The following HS6ST3 variants were observed in gnomAD, a reference collection of about 807,000 sequenced individuals.
The protein encoded by HS6ST3 is heparan sulfate 6-O-sulfotransferase 3.
A neutral mutation model predicts 36.7 loss-of-function variants in HS6ST3; 12 were observed. The ratio of observed to expected loss-of-function variants is 0.33; its 90% CI spans 0.21 to 0.53. The LOEUF (loss-of-function observed/expected upper bound fraction) is 0.53, where lower values mean the gene tolerates loss of function less well. Ranked by LOEUF, HS6ST3 falls within the 20% of genes least tolerant of loss-of-function variation. The pLI is 0.95. For missense variants in HS6ST3, 584 were observed against 640.9 expected (o/e 0.91, Z 0.96); for synonymous variants, 240 against 257.5 (o/e 0.93, Z 0.65).
chr13:96,181,079 GCTGA>G (rs570185922), intron 1 of HS6ST3, among the ~76,000 whole-genome samples: 219 of 152,250 alleles, frequency 1.4e-3, no homozygotes, highest in Non-Finnish European at 2.1e-3. Flanking sequence ...AACAGTAGTG[GCTGA>G]CTAATTTAAG....
intron 1 of HS6ST3, among the ~76,000 whole-genome samples, chr13:96,502,201 T>G (rs1238175074): frequency 1.3e-5 from 2 of 152,204 alleles, no homozygotes; most frequent in African/African-American, 2.4e-5. Context: ...GGGTGATATC[T>G]GAAATGCCAG....
At chr13:96,605,952 C>T (rs1594816889) in intron 1 of HS6ST3, among the ~76,000 whole-genome samples, 1 of 151,618 alleles carries the variant, frequency 6.6e-6, no homozygotes, top group South Asian at 2.1e-4. Context: ...GATATACAAG[C>T]AGCCAACACA....
At position 96,782,924 on chromosome 13, in the gene HS6ST3, G is replaced by A. The variant is rs548601942; in HGVS notation, c.708-49566G>A. ...TGGGAGGGAAAGAAAATGAGCAGCC[G>A]TTATCTGTGGCAAGAAAGATAAACT... On this transcript the variant is annotated intron_variant, in intron 1 of 1. Coordinates refer to ENST00000376705, the MANE Select transcript of HS6ST3 (RefSeq NM_153456.4). Among the ~76,000 whole-genome samples the A allele has an allele frequency of 7.3e-4, 111 of 152,164 alleles. 2 individuals are homozygous for A. The highest frequency in any genetic ancestry group is 2.4e-3 in the African/African-American group (99 of 41,522).
At chr13:96,225,935 T>G (rs1200390561) in intron 1 of HS6ST3, among the ~76,000 whole-genome samples, 1 of 152,088 alleles carries the variant, frequency 6.6e-6, no homozygotes, top group Admixed American at 6.6e-5. Context: ...GATAGTAGTA[T>G]TAGGAAATTT....
intron 1 of HS6ST3, among the ~76,000 whole-genome samples, chr13:96,781,859 AT>A (rs550502609): frequency 1.6e-4 from 25 of 152,194 alleles, no homozygotes; most frequent in Non-Finnish European, 3.7e-4. Context: ...GGAATGACAA[AT>A]ACGTTATTGT....
At chr13:96,243,312 A>G (rs2054569974) in intron 1 of HS6ST3, among the ~76,000 whole-genome samples, 1 of 152,176 alleles carries the variant, frequency 6.6e-6, no homozygotes, top group Admixed American at 6.5e-5. Context: ...TTTCTTGAGC[A>G]TTCTTTGTTT....
intron 1 of HS6ST3, among the ~76,000 whole-genome samples, chr13:96,244,533 C>T (rs1169550859): frequency 6.6e-6 from 1 of 152,086 alleles, no homozygotes; most frequent in Admixed American, 6.6e-5. Context: ...TAGAAGATGT[C>T]ATCATGATGA....
At chr13:96,427,710 A>G (rs1170470705) in intron 1 of HS6ST3, among the ~76,000 whole-genome samples, 1 of 152,188 alleles carries the variant, frequency 6.6e-6, no homozygotes, top group African/African-American at 2.4e-5. Flanking sequence ...CATTGGTACA[A>G]TGCTATTATT....
intron 1 of HS6ST3, among the ~76,000 whole-genome samples, chr13:96,162,472 G>T (rs1407878295): frequency 6.6e-6 from 1 of 152,174 alleles, no homozygotes; most frequent in Non-Finnish European, 1.5e-5. Flanking sequence ...GGACCTTTGG[G>T]TTTGGAGGTG....
chr13:96,165,307 C>T (rs2054155227), intron 1 of HS6ST3, among the ~76,000 whole-genome samples: 1 of 152,144 alleles, frequency 6.6e-6, no homozygotes, highest in South Asian at 2.1e-4. Context: ...ACATATGCAA[C>T]TTTAGAAGCC....
At chr13:96,764,817 T>C (rs1176735547) in intron 1 of HS6ST3, among the ~76,000 whole-genome samples, 1 of 152,206 alleles carries the variant, frequency 6.6e-6, no homozygotes, top group African/African-American at 2.4e-5. Context: ...TTTATGGGTC[T>C]TTGTTCTATT....
chr13:96,805,240 GAGAT>G (rs1412259414), intron 1 of HS6ST3, among the ~76,000 whole-genome samples: 1 of 152,138 alleles, frequency 6.6e-6, no homozygotes, highest in African/African-American at 2.4e-5. Context: ...TTGAGTCATG[GAGAT>G]GGACTTCCCC....
intron 1 of HS6ST3, among the ~76,000 whole-genome samples, chr13:96,322,650 A>G (rs937072610): frequency 6.6e-6 from 1 of 152,208 alleles, no homozygotes; most frequent in Non-Finnish European, 1.5e-5. Flanking sequence ...ACTCTTGCTT[A>G]ACTCAACATC....
chr13:96,512,885 G>A (rs9513157), intron 1 of HS6ST3, among the ~76,000 whole-genome samples: 1 of 147,992 alleles, frequency 6.8e-6, no homozygotes, highest in African/African-American at 2.5e-5. Context: ...TCATTTTTTT[G>A]TTGTTGTTGT....
intron 1 of HS6ST3, among the ~76,000 whole-genome samples, chr13:96,243,451 T>G (rs1200363739): frequency 2.6e-5 from 4 of 152,224 alleles, no homozygotes; most frequent in African/African-American, 9.6e-5. Flanking sequence ...TGAATTATTT[T>G]GACTAATGAA....
intron 1 of HS6ST3, among the ~76,000 whole-genome samples, chr13:96,607,330 G>C (rs987909505): frequency 6.6e-6 from 1 of 152,148 alleles, no homozygotes; most frequent in Non-Finnish European, 1.5e-5. Flanking sequence ...AAACACACGA[G>C]ACATGGATTT....
chr13:96,112,928 G>A (rs1049806532), intron 1 of HS6ST3, among the ~76,000 whole-genome samples: 2 of 152,050 alleles, frequency 1.3e-5, no homozygotes, highest in Non-Finnish European at 2.9e-5. Flanking sequence ...AGTTTATTTA[G>A]TCAGGGATGC....
intron 1 of HS6ST3, among the ~76,000 whole-genome samples, chr13:96,559,765 A>T (rs1484109615): frequency 6.6e-6 from 1 of 151,782 alleles, no homozygotes; most frequent in Non-Finnish European, 1.5e-5. Flanking sequence ...AAGGACCATT[A>T]TGCCATTCCT....
At chr13:96,796,945 T>A (rs185647257) in intron 1 of HS6ST3, among the ~76,000 whole-genome samples, 1 of 152,172 alleles carries the variant, frequency 6.6e-6, no homozygotes, top group East Asian at 1.9e-4. Context: ...TCCTTATGAA[T>A]CTGAGGACTC....
Sources: allele counts gnomAD v4.1 joint callset (sites outside exome capture counted in the v4.1 genomes callset), GRCh38; gene constraint gnomAD v4.1.1; transcripts MANE v1.5; gene names NCBI Gene and HGNC (gene_info 2026-07-23, HGNC 2026-07-21).